CD82: variants seen among roughly 807,000 people sequenced by gnomAD.
The protein encoded by CD82 is CD82 molecule.
In CD82, 36 loss-of-function variants were observed where a neutral mutation model predicts 37.4. That is an observed-to-expected ratio of 0.96 (90% confidence interval 0.74 to 1.27). The LOEUF (loss-of-function observed/expected upper bound fraction) is 1.27. CD82 is among the 50% of genes most tolerant of loss of function. The pLI, the probability that CD82 is intolerant of heterozygous loss-of-function variation, is 0.00. For missense variants in CD82, 340 were observed against 347.0 expected, an observed-to-expected ratio of 0.98 and a Z score of 0.16; for synonymous variants, 158 against 137.4, an observed-to-expected ratio of 1.15 and a Z score of -1.05.
In CD82 at chr11:44,597,117, G is replaced by A. The variant is rs1255137844; in HGVS notation, c.63+2392G>A. ...TTTTATGCACATTGGGAGGGGTTTC[G>A]TGGTTGGATTTGTGGTTTGGAAAAA... On this transcript the variant is annotated intron_variant, in intron 3 of 9. Transcript: ENST00000227155. The surrounding 1 kb of genome is among the most constrained non-coding windows in gnomAD (Gnocchi z 4.1). 12 of 438,812 alleles carry A rather than the reference G, an allele frequency of 2.7e-5. No individual in the cohort carries two copies. The East Asian group carries it at 5.7e-4, about 21-fold the overall frequency. 27.2% of individuals were successfully genotyped at this position (438,812 alleles called of 1,614,324 possible). A position where few individuals can be genotyped will look rare whatever the true frequency, so the allele number is the denominator to read the frequency against.
At chr11:44,607,409 G>A (rs1165175467) in intron 6 of CD82, among the ~76,000 whole-genome samples, 2 of 152,174 alleles carry the variant, frequency 1.3e-5, no homozygotes, top group Non-Finnish European at 2.9e-5. Flanking sequence ...AAATGGTCAT[G>A]GGGTCAGGTC....
chr11:44,617,500 A>C (rs1183087201), intron 7 of CD82, among the ~76,000 whole-genome samples: 1 of 144,140 alleles, frequency 6.9e-6, no homozygotes, highest in Non-Finnish European at 1.5e-5. Context: ...TGGAGGTTGC[A>C]GTGAGCCAAG....
At chr11:44,613,551 G>A (rs1853517501) in intron 6 of CD82, among the ~76,000 whole-genome samples, 2 of 152,186 alleles carry the variant, frequency 1.3e-5, no homozygotes, top group African/African-American at 2.4e-5. Context: ...GGCCAGGCGA[G>A]GTGTCTCAGG....
At chr11:44,576,198 T>C (rs1404478636) in intron 1 of CD82, among the ~76,000 whole-genome samples, 1 of 152,220 alleles carries the variant, frequency 6.6e-6, no homozygotes. Flanking sequence ...AACTTTCTCC[T>C]GTCAAGCCTG....
chr11:44,605,185 G>T lies in CD82; in HGVS notation c.261+3G>T. 1 of 1,613,742 alleles carries T rather than the reference G, an allele frequency of 6.2e-7. No individual in the cohort carries two copies. The highest frequency in any genetic ancestry group is 8.5e-7 in the Non-Finnish European group (1 of 1,179,892). ...AGGTCCGCTGCCTGCTGGGGCTGGT[G>T]AGTACGGATCCCTCCGCAGCTGCCT... On this transcript the variant is annotated splice_donor_region_variant and intron_variant, in intron 5 of 9. Coordinates refer to ENST00000227155, the MANE Select transcript of CD82 (RefSeq NM_002231.4).
upstream of CD82, chr11:44,564,588 C>G (rs952700261): frequency 1.2e-5 from 5 of 424,772 alleles, no homozygotes; most frequent in Non-Finnish European, 2.4e-5. Context: ...CTAGAGAGCT[C>G]TTGCAGCCCA....
chr11:44,579,565 G>C (rs1179881489), intron 1 of CD82, among the ~76,000 whole-genome samples: 2 of 152,036 alleles, frequency 1.3e-5, no homozygotes, highest in Non-Finnish European at 2.9e-5. Context: ...CTCACTCCCC[G>C]CTCTGTACCT....
At chr11:44,581,694 A>G (rs1852981479) in intron 1 of CD82, among the ~76,000 whole-genome samples, 1 of 152,214 alleles carries the variant, frequency 6.6e-6, no homozygotes, top group Non-Finnish European at 1.5e-5. Context: ...GGCTCAGGAC[A>G]GAAACTGAGC....
chr11:44,620,024 GAC>G lies in CD82; in HGVS notation c.*901_*902del, dbSNP rs1853641379. ...AGATTAGCCTAGGCCATGCCCTAGGGACACGGCCTAGGGGAGCTGGGCTGGAG... is the reference window on the plus strand; with the variant it reads ...AGATTAGCCTAGGCCATGCCCTAGGGACGGCCTAGGGGAGCTGGGCTGGAG... On this transcript the variant is annotated 3_prime_UTR_variant, in exon 10 of 10. Transcript: ENST00000227155. 6.6e-6 allele frequency: 1 copy of G among 152,238 alleles called. No individual in the cohort carries two copies. Among genetic ancestry groups the G allele is most frequent in the Admixed American group, 6.5e-5 (1 of 15,274 alleles). The allele number at this position is 152,238 out of a possible 1,614,324, so 9.4% of individuals were successfully genotyped here.
At chr11:44,593,287 C>T (rs988561234) in intron 2 of CD82, among the ~76,000 whole-genome samples, 1 of 152,248 alleles carries the variant, frequency 6.6e-6, no homozygotes, top group South Asian at 2.1e-4. Flanking sequence ...TCCCTTTGCT[C>T]TGTGGCCTGC....
Position 44,618,730 on chromosome 11 carries a change from G to GC in CD82, c.726+12dup. The GC allele has an allele frequency of 1.2e-6, 2 of 1,609,486 alleles. No homozygotes were observed. The highest frequency in any genetic ancestry group is 1.1e-5 in the South Asian group (1 of 90,904). ...GGGTGTGGCCATCATCGAGGTCTGA[G>GC]CCCCCTCCCCCATCCCTTCTCCATC... On this transcript the variant is annotated splice_region_variant and intron_variant, in intron 9 of 9. Coordinates refer to ENST00000227155, the MANE Select transcript of CD82 (RefSeq NM_002231.4).
intron 6 of CD82, among the ~76,000 whole-genome samples, chr11:44,608,847 C>A (rs11038079): frequency 0.022 from 3,315 of 152,350 alleles, 69 homozygotes; most frequent in Non-Finnish European, 0.035. Flanking sequence ...AAAATCTGAT[C>A]CTGTCTCGAG....
At chr11:44,573,730 T>C (rs1852847794) in intron 1 of CD82, among the ~76,000 whole-genome samples, 1 of 152,232 alleles carries the variant, frequency 6.6e-6, no homozygotes, top group Non-Finnish European at 1.5e-5. Context: ...TAACCATCCC[T>C]GCAAGTTGCA....
At chr11:44,580,805 G>T (rs1590330307) in intron 1 of CD82, among the ~76,000 whole-genome samples, 1 of 152,180 alleles carries the variant, frequency 6.6e-6, no homozygotes, top group Non-Finnish European at 1.5e-5. Flanking sequence ...GATAATTAGG[G>T]CTGCCATATG....
intron 2 of CD82, among the ~76,000 whole-genome samples, chr11:44,588,150 G>A (rs1182966268): frequency 2.0e-5 from 3 of 152,162 alleles, no homozygotes; most frequent in Non-Finnish European, 4.4e-5. Context: ...AGCAGACCAT[G>A]TGGCAGGCAT....
At chr11:44,568,567 A>G (rs1852770517) in intron 1 of CD82, among the ~76,000 whole-genome samples, 1 of 152,054 alleles carries the variant, frequency 6.6e-6, no homozygotes, top group Non-Finnish European at 1.5e-5. Flanking sequence ...CCTCCCTCCC[A>G]TCCCAGCCCA....
At chr11:44,580,355 T>C (rs1332873550) in intron 1 of CD82, among the ~76,000 whole-genome samples, 3 of 152,188 alleles carry the variant, frequency 2.0e-5, no homozygotes, top group Admixed American at 1.3e-4. Flanking sequence ...CTGAGAACTA[T>C]AGCCTTGGGA....
chr11:44,612,854 G>T (rs974095196), intron 6 of CD82, among the ~76,000 whole-genome samples: 1 of 151,818 alleles, frequency 6.6e-6, no homozygotes, highest in African/African-American at 2.4e-5. Flanking sequence ...AGCCAGGATG[G>T]TCTCGATCTC....
At chr11:44,583,333 G>A (rs1239299024) in intron 1 of CD82, among the ~76,000 whole-genome samples, 1 of 152,272 alleles carries the variant, frequency 6.6e-6, no homozygotes, top group African/African-American at 2.4e-5. Flanking sequence ...CCTCCTGTCA[G>A]AGAAGCCCCT....
Sources: allele counts gnomAD v4.1 joint callset (sites outside exome capture counted in the v4.1 genomes callset), GRCh38; gene constraint gnomAD v4.1.1; non-coding constraint Gnocchi (gnomAD v3.1); transcripts MANE v1.5; gene names NCBI Gene and HGNC (gene_info 2026-07-23, HGNC 2026-07-21).